The following ATXN2 variants were observed in gnomAD, a reference collection of about 807,000 sequenced individuals.
The protein encoded by ATXN2 is ataxin-2.
ATXN2 carries 37 observed loss-of-function variants against 138.6 expected under a neutral mutation model. The observed-to-expected ratio is 0.27, with a 90% CI of 0.21 to 0.35. The LOEUF is 0.35. Among genes scored for constraint, ATXN2 ranks in the 10% least tolerant of loss-of-function variants. The probability of loss-of-function intolerance (pLI) is 1.00; values close to 1 mark genes in which losing one functional copy is unlikely to be tolerated. For synonymous variants in ATXN2, 549 were observed against 543.7 expected, an observed-to-expected ratio of 1.01 and a Z score of -0.13; for missense variants, 1,216 against 1,480.3, an observed-to-expected ratio of 0.82 and a Z score of 2.93.
chr12:111,483,841 G>A (rs767257232), intron 18 of ATXN2, among the ~76,000 whole-genome samples: 2 of 152,066 alleles, frequency 1.3e-5, no homozygotes, highest in Non-Finnish European at 2.9e-5. Context: ...GGAGCCCAGT[G>A]GTGCAGTCAC....
In ATXN2 at chr12:111,598,501, A is replaced by G; in HGVS notation, c.251+283T>C. Reference sequence around the variant, plus strand: ...TCGCCGCTACCCGAGAACCCCTCCCAACACGCGTGGGGAGGGGAGGCCGCC... The same window carrying G: ...TCGCCGCTACCCGAGAACCCCTCCCGACACGCGTGGGGAGGGGAGGCCGCC... On this transcript the variant is annotated intron_variant, in intron 1 of 24. Transcript: ENST00000673436. The surrounding 1 kb of genome is among the most constrained non-coding windows in gnomAD (Gnocchi z 4.5). 1.0e-6 allele frequency: 1 copy of G among 983,790 alleles called. No individual in the cohort carries two copies. Among genetic ancestry groups the G allele is most frequent in the South Asian group, 4.7e-5 (1 of 21,218 alleles). The allele number at this position is 983,790 out of a possible 1,614,324, so 60.9% of individuals were successfully genotyped here.
At chr12:111,470,036 A>G in intron 20 of ATXN2, 72 bp downstream of exon 20, 2 of 1,474,976 alleles carry the variant, frequency 1.4e-6, no homozygotes, top group Non-Finnish European at 1.8e-6. Context: ...ATTCTTAGAT[A>G]GAGTATGTTT....
intron 1 of ATXN2, among the ~76,000 whole-genome samples, chr12:111,573,046 T>A (rs10774627): frequency 0.8 from 120,726 of 150,250 alleles, 48,398 homozygotes; most frequent in Admixed American, 0.82. Context: ...TTCAAAATTT[T>A]AAAAAAAAAA....
intron 17 of ATXN2, 34 bp downstream of exon 17, chr12:111,485,679 G>T: frequency 6.2e-7 from 1 of 1,610,298 alleles, no homozygotes; most frequent in Non-Finnish European, 8.5e-7. Flanking sequence ...AAACAATTGG[G>T]GAGGCTAAGT....
chr12:111,578,201 A>C lies in ATXN2; in HGVS notation c.251+20583T>G, dbSNP rs966044571. On this transcript the variant is annotated intron_variant, in intron 1 of 24. Transcript: ENST00000673436. Reference sequence around the variant, plus strand: ...GATAGAGCGAGACTCCATCTCAAAAAACAAAATAAGAAAGATATTTATCAA... The same window carrying C: ...GATAGAGCGAGACTCCATCTCAAAACACAAAATAAGAAAGATATTTATCAA... Among the ~76,000 whole-genome samples, 3 of 152,158 alleles carry C rather than the reference A, an allele frequency of 2.0e-5. 1 individual carries two copies. In the South Asian group the frequency reaches 6.2e-4, roughly 32 times the overall value.
Position 111,514,455 on chromosome 12 carries a change from C to T in ATXN2, c.1376-916G>A, listed in dbSNP as rs1366306496. ...TTCCCTAATGTCAAAGCCAAATCTC[C>T]TCACTCTCTCACCCGGCTGCCAAAC... On this transcript the variant is annotated intron_variant, in intron 10 of 24. Coordinates refer to ENST00000673436, the MANE Select transcript of ATXN2 (RefSeq NM_001372574.1). Among the ~76,000 whole-genome samples, 3 of 152,198 alleles carry T rather than the reference C, an allele frequency of 2.0e-5. No individual in the cohort carries two copies. The East Asian group carries it at 5.8e-4, about 29-fold the overall frequency.
chr12:111,579,747 G>A (rs1416885688), intron 1 of ATXN2, among the ~76,000 whole-genome samples: 1 of 149,758 alleles, frequency 6.7e-6, no homozygotes, highest in East Asian at 2.0e-4. Flanking sequence ...CACCCAGGCT[G>A]GAGTGCAGTG....
chr12:111,574,064 T>G (rs1166908304), intron 1 of ATXN2, among the ~76,000 whole-genome samples: 1 of 151,690 alleles, frequency 6.6e-6, no homozygotes, highest in Non-Finnish European at 1.5e-5. Flanking sequence ...AAGCCTGCAA[T>G]CCCAGCACTT....
intron 5 of ATXN2, among the ~76,000 whole-genome samples, chr12:111,537,622 T>C (rs1881267271): frequency 6.6e-6 from 1 of 150,912 alleles, no homozygotes; most frequent in Non-Finnish European, 1.5e-5. Flanking sequence ...TATTATATGA[T>C]TCCATTAATA....
intron 1 of ATXN2, among the ~76,000 whole-genome samples, chr12:111,591,056 A>AT (rs1226673613): frequency 1.3e-5 from 2 of 151,616 alleles, no homozygotes; most frequent in African/African-American, 4.8e-5. Flanking sequence ...CGCCCAGCTA[A>AT]TTTTTTTGTA....
intron 1 of ATXN2, among the ~76,000 whole-genome samples, chr12:111,579,366 G>A (rs1361683534): frequency 2.6e-5 from 4 of 152,062 alleles, no homozygotes; most frequent in Admixed American, 6.6e-5. Context: ...GGGTTCAAGC[G>A]ATTCTCCTGC....
At chr12:111,553,213 C>G (rs541059775) in intron 3 of ATXN2, among the ~76,000 whole-genome samples, 2 of 152,244 alleles carry the variant, frequency 1.3e-5, no homozygotes, top group South Asian at 4.1e-4. Context: ...ACATTTCTGA[C>G]CCCAGCTATT....
In ATXN2 at chr12:111,597,573, C is replaced by CA. The variant is rs775371899; in HGVS notation, c.251+1210dup. 1.5e-4 allele frequency among the ~76,000 whole-genome samples: 23 copies of CA among 152,290 alleles called. No individual in the cohort carries two copies. In the East Asian group the frequency reaches 4.1e-3, roughly 27 times the overall value. On this transcript the variant is annotated intron_variant, in intron 1 of 24. Coordinates refer to ENST00000673436, the MANE Select transcript of ATXN2 (RefSeq NM_001372574.1). ...ATTGACGTTTCCTTCTCCCTTTGAA[C>CA]ACTAAGCATTTTCTTAGTTCGTGAA... is the stretch of plus-strand genomic sequence containing the variant.
chr12:111,494,265 GAT>G (rs1342884669), intron 14 of ATXN2, among the ~76,000 whole-genome samples: 1 of 151,928 alleles, frequency 6.6e-6, no homozygotes, highest in Non-Finnish European at 1.5e-5. Flanking sequence ...GTATAATAAA[GAT>G]ATAAATAAAA....
intron 5 of ATXN2, among the ~76,000 whole-genome samples, chr12:111,534,148 G>C (rs1405282030): frequency 6.6e-6 from 1 of 151,554 alleles, no homozygotes; most frequent in Admixed American, 6.6e-5. Flanking sequence ...TTCAGTGGTG[G>C]CTCACACTTG....
intron 1 of ATXN2, among the ~76,000 whole-genome samples, chr12:111,576,873 G>A (rs1178936753): frequency 6.6e-6 from 1 of 151,810 alleles, no homozygotes; most frequent in Non-Finnish European, 1.5e-5. Context: ...CAGGAGAATG[G>A]CATGAACCTG....
In ATXN2 at chr12:111,519,870, T is replaced by C; in HGVS notation, c.986+9A>G. ...TCCAAAATACTGCATCATGATTTCC[T>C]TTAAATACCTAGTGTTTATGCTGTG... On this transcript the variant is annotated intron_variant, in intron 8 of 24. Coordinates refer to ENST00000673436, the MANE Select transcript of ATXN2 (RefSeq NM_001372574.1). The C allele has an allele frequency of 6.2e-7, 1 of 1,614,184 alleles. No individual in the cohort carries two copies. The highest frequency in any genetic ancestry group is 8.5e-7 in the Non-Finnish European group (1 of 1,180,016).
At chr12:111,569,859 A>T (rs1340316912) in intron 1 of ATXN2, among the ~76,000 whole-genome samples, 2 of 152,062 alleles carry the variant, frequency 1.3e-5, no homozygotes, top group South Asian at 2.1e-4. Flanking sequence ...ACACCAAAAA[A>T]TCCAAACAAC....
chr12:111,593,058 C>CA (rs1057229103), intron 1 of ATXN2, among the ~76,000 whole-genome samples: 16 of 151,776 alleles, frequency 1.1e-4, no homozygotes, highest in Admixed American at 2.0e-4. Context: ...CTATTTAGGA[C>CA]AAAAAAATGA....
Sources: gnomAD v4.1 joint callset for allele counts (sites outside exome capture counted in the v4.1 genomes callset) on GRCh38, gnomAD v4.1.1 for gene constraint, Gnocchi (gnomAD v3.1) non-coding constraint, MANE v1.5 for transcripts, NCBI Gene and HGNC (gene_info 2026-07-23, HGNC 2026-07-21) for gene names.